The following ULK4 variants were observed in gnomAD, a reference collection of about 807,000 sequenced individuals.
ULK4 encodes the protein inactive serine/threonine-protein kinase ULK4.
In ULK4, 133 loss-of-function variants were observed where a neutral mutation model predicts 160.6. That is an observed-to-expected ratio of 0.83 (90% confidence interval 0.72 to 0.96). The LOEUF (loss-of-function observed/expected upper bound fraction) is 0.96, where lower values mean the gene tolerates loss of function less well. Among genes scored for constraint, ULK4 ranks in the 40% least tolerant of loss-of-function variants. The pLI, the probability that ULK4 is intolerant of heterozygous loss-of-function variation, is 0.00. For synonymous variants in ULK4, 534 were observed against 539.8 expected, an observed-to-expected ratio of 0.99 and a Z score of 0.15; for missense variants, 1,580 against 1,499.5, an observed-to-expected ratio of 1.05 and a Z score of -0.89.
At chr3:41,916,621 G>A (rs1698974601) in intron 7 of ULK4, among the ~76,000 whole-genome samples, 1 of 151,908 alleles carries the variant, frequency 6.6e-6, no homozygotes, top group South Asian at 2.1e-4. Flanking sequence ...CAACTCCTGG[G>A]CTCCAGTGAT....
At chr3:41,728,163 C>T (rs983021225) in intron 22 of ULK4, among the ~76,000 whole-genome samples, 8 of 152,074 alleles carry the variant, frequency 5.3e-5, no homozygotes, top group African/African-American at 1.7e-4. Flanking sequence ...GAGAGTAGGC[C>T]ATGCATGGAT....
Position 41,923,606 on chromosome 3 carries a change from C to T in ULK4, c.542-3788G>A, listed in dbSNP as rs141477031. Among the ~76,000 whole-genome samples the T allele has an allele frequency of 1.6e-4, 25 of 152,028 alleles. No individual in the cohort carries two copies. The Middle Eastern group carries it at 0.01, about 62-fold the overall frequency. ...AGCTCAGTCATTAGCTGGGTGCAGTCATGAGAAGCATGGCCTCAGAGCAAA... is the reference window on the plus strand; with the variant it reads ...AGCTCAGTCATTAGCTGGGTGCAGTTATGAGAAGCATGGCCTCAGAGCAAA... On this transcript the variant is annotated intron_variant, in intron 5 of 36. Transcript: ENST00000301831.
intron 30 of ULK4, among the ~76,000 whole-genome samples, chr3:41,628,951 C>T (rs930731648): frequency 2.0e-5 from 3 of 152,186 alleles, no homozygotes; most frequent in African/African-American, 7.2e-5. Context: ...TCCTGTGAGT[C>T]TGGGCAAGTT....
In ULK4 at chr3:41,517,499, T is replaced by C. The variant is rs773482985; in HGVS notation, c.3226+48526A>G. 1.6e-4 allele frequency among the ~76,000 whole-genome samples: 24 copies of C among 152,170 alleles called. 1 individual carries two copies. Among genetic ancestry groups the C allele is most frequent in the Middle Eastern group, 6.3e-3 (2 of 316 alleles). Reference sequence around the variant, plus strand: ...GAAGCAGAGAGCAGCCCTCACCAGATAGCAAATCTGCCAGTGCCTTGACCT... The same window carrying C: ...GAAGCAGAGAGCAGCCCTCACCAGACAGCAAATCTGCCAGTGCCTTGACCT... On this transcript the variant is annotated intron_variant, in intron 32 of 36. Transcript: ENST00000301831.
intron 29 of ULK4, among the ~76,000 whole-genome samples, chr3:41,679,317 T>A (rs928399646): frequency 2.6e-5 from 4 of 152,246 alleles, no homozygotes; most frequent in African/African-American, 7.2e-5. Flanking sequence ...TCTTTAGGAT[T>A]ATCTTCTAAG....
intron 35 of ULK4, among the ~76,000 whole-genome samples, chr3:41,342,753 A>G (rs573706712): frequency 1.7e-3 from 263 of 152,346 alleles, no homozygotes; most frequent in Middle Eastern, 0.017. Context: ...TCCCCGATGA[A>G]CACCGATGTA....
rs569591652 is a variant in ULK4 at position 41,386,180 on chromosome 3, G to A, written c.3678+11899C>T. On this transcript the variant is annotated intron_variant, in intron 35 of 36. Coordinates refer to ENST00000301831, the MANE Select transcript of ULK4 (RefSeq NM_017886.4). Reference sequence around the variant, plus strand: ...AACAAATTAATGACTCCACTCTTGCGGATTTAGCTATTATCTCAATATTGA... The same window carrying A: ...AACAAATTAATGACTCCACTCTTGCAGATTTAGCTATTATCTCAATATTGA... 4.6e-5 allele frequency among the ~76,000 whole-genome samples: 7 copies of A among 152,084 alleles called. No individual in the cohort carries two copies. In the South Asian group the frequency reaches 8.3e-4, roughly 18 times the overall value.
chr3:41,421,613 CA>C (rs1299795752), intron 34 of ULK4, among the ~76,000 whole-genome samples: 1 of 152,128 alleles, frequency 6.6e-6, no homozygotes, highest in Non-Finnish European at 1.5e-5. Flanking sequence ...ATTCCAGAAT[CA>C]AATATTATTT....
intron 34 of ULK4, among the ~76,000 whole-genome samples, chr3:41,406,050 T>A (rs1280957405): frequency 1.3e-5 from 2 of 152,222 alleles, no homozygotes; most frequent in East Asian, 3.8e-4. Context: ...CCAAGACCTA[T>A]GTCCAGAGGG....
chr3:41,862,797 C>G (rs555150391), intron 17 of ULK4, among the ~76,000 whole-genome samples: 15 of 150,970 alleles, frequency 9.9e-5, no homozygotes, highest in African/African-American at 9.7e-5. Flanking sequence ...GCTCCCCCCC[C>G]CCTTTCTCTC....
chr3:41,579,481 T>G (rs2030057745), intron 31 of ULK4, among the ~76,000 whole-genome samples: 1 of 127,930 alleles, frequency 7.8e-6, no homozygotes, highest in African/African-American at 3.0e-5. Flanking sequence ...AATCTGGAAC[T>G]AATATTTTTT....
intron 34 of ULK4, among the ~76,000 whole-genome samples, chr3:41,424,536 A>G (rs1385446110): frequency 6.6e-6 from 1 of 152,058 alleles, no homozygotes; most frequent in Non-Finnish European, 1.5e-5. Flanking sequence ...AGGTTGGTGC[A>G]CCTCTGGGAC....
chr3:41,704,006 T>C (rs910771027), intron 27 of ULK4, among the ~76,000 whole-genome samples: 1 of 152,216 alleles, frequency 6.6e-6, no homozygotes, highest in African/African-American at 2.4e-5. Context: ...CTTTACTTCA[T>C]AATATCTAAG....
chr3:41,346,507 C>G (rs1444974280), intron 35 of ULK4, among the ~76,000 whole-genome samples: 1 of 152,110 alleles, frequency 6.6e-6, no homozygotes, highest in Non-Finnish European at 1.5e-5. Flanking sequence ...AGTGTCCAGA[C>G]TGGAATGCCT....
intron 32 of ULK4, among the ~76,000 whole-genome samples, chr3:41,467,372 C>A (rs2083861332): frequency 2.0e-5 from 3 of 152,012 alleles, no homozygotes; most frequent in African/African-American, 7.3e-5. Flanking sequence ...ACTAAAAGTA[C>A]AAAAAATTAG....
chr3:41,857,552 C>CT (rs2042390552), intron 17 of ULK4, among the ~76,000 whole-genome samples: 1 of 152,118 alleles, frequency 6.6e-6, no homozygotes, highest in African/African-American at 2.4e-5. Context: ...GTTGGTTCTG[C>CT]TTTAAATGTT....
At chr3:41,507,502 C>T (rs2085432462) in intron 32 of ULK4, among the ~76,000 whole-genome samples, 1 of 150,940 alleles carries the variant, frequency 6.6e-6, no homozygotes, top group Non-Finnish European at 1.5e-5. Context: ...TTCAGAAGCC[C>T]CTGTGAGATT....
chr3:41,409,932 G>A (rs1480628291), intron 34 of ULK4, among the ~76,000 whole-genome samples: 2 of 147,770 alleles, frequency 1.4e-5, no homozygotes, highest in East Asian at 4.0e-4. Flanking sequence ...CTGGGTGACA[G>A]AGCGAGACCC....
chr3:41,593,280 A>G (rs769315506), intron 31 of ULK4, among the ~76,000 whole-genome samples: 1 of 152,204 alleles, frequency 6.6e-6, no homozygotes, highest in Non-Finnish European at 1.5e-5. Context: ...AAAGACTTTC[A>G]AAGAAGTGAT....
Sources: gnomAD v4.1 joint callset for allele counts (sites outside exome capture counted in the v4.1 genomes callset) on GRCh38, gnomAD v4.1.1 for gene constraint, MANE v1.5 for transcripts, NCBI Gene and HGNC (gene_info 2026-07-23, HGNC 2026-07-21) for gene names.